The following GAB3 variants were observed in gnomAD, a reference collection of about 807,000 sequenced individuals.
The protein encoded by GAB3 is GRB2 associated binding protein 3, also known as GRB2-associated-binding protein 3.
In GAB3, 12 loss-of-function variants were observed where a neutral mutation model predicts 40.4. The observed-to-expected ratio is 0.30, with a 90% CI of 0.19 to 0.48. The LOEUF (loss-of-function observed/expected upper bound fraction) is 0.48, where lower values mean the gene tolerates loss of function less well. Ranked by LOEUF, GAB3 falls within the 20% of genes least tolerant of loss-of-function variation. GAB3 has a pLI of 0.99. For synonymous variants in GAB3, 154 were observed against 176.7 expected, an observed-to-expected ratio of 0.87 and a Z score of 1.02; for missense variants, 381 against 461.9, an observed-to-expected ratio of 0.82 and a Z score of 1.61.
chrX:154,710,502 G>T (rs192354430), intron 4 of GAB3, among the ~76,000 whole-genome samples: 1 of 111,666 alleles, frequency 9.0e-6, no homozygotes, highest in Non-Finnish European at 1.9e-5. Flanking sequence ...CACATACATG[G>T]GCACTTCATC....
At chrX:154,694,426 G>A (rs1345321420) in intron 8 of GAB3, among the ~76,000 whole-genome samples, 5 of 107,012 alleles carry the variant, frequency 4.7e-5, no homozygotes, top group Non-Finnish European at 9.6e-5. Flanking sequence ...TGGCTCTGTC[G>A]CCCAGGCTGG....
intron 6 of GAB3, 144 bp downstream of exon 6, chrX:154,699,150 A>C: frequency 1.2e-5 from 6 of 505,818 alleles, no homozygotes; most frequent in Non-Finnish European, 2.1e-5. Context: ...TTCCTATTCC[A>C]ACCCAGCCAC....
At position 154,699,445 on chromosome X, in the gene GAB3, G is replaced by C; in HGVS notation, c.1194C>G (p.Ser398Arg). The C allele has an allele frequency of 8.3e-7, 1 of 1,211,530 alleles. No individual in the cohort carries two copies. Among genetic ancestry groups the C allele is most frequent in the Non-Finnish European group, 1.1e-6 (1 of 895,187 alleles). ...CAAGACCAGAGGCACCAGCCTGGGG[G>C]CTCATGGGCACATAGCTGTCTTCGA... ...ASIEDSYVPM[S>R]PQAGASGLGP... Residue 398 changes from serine to arginine, a missense_variant, in exon 6 of 10, where the codon AGC becomes AGG. Physicochemically the swap from Ser to Arg is moderately radical, Grantham distance 110. Coordinates refer to ENST00000424127, the MANE Select transcript of GAB3 (RefSeq NM_001081573.3).
intron 2 of GAB3, among the ~76,000 whole-genome samples, chrX:154,715,818 T>C (rs2071037519): frequency 8.9e-6 from 1 of 112,513 alleles, no homozygotes; most frequent in Non-Finnish European, 1.9e-5. Flanking sequence ...CAATGCTCAG[T>C]GTGCTCATGG....
intron 8 of GAB3, among the ~76,000 whole-genome samples, chrX:154,680,884 T>C (rs1430811632): frequency 6.2e-5 from 7 of 112,588 alleles, no homozygotes; most frequent in Non-Finnish European, 1.1e-4. Context: ...ATTGTATGCA[T>C]TTTGGGCGGC....
At chrX:154,732,605 T>C (rs2071307028) in intron 1 of GAB3, among the ~76,000 whole-genome samples, 2 of 111,770 alleles carry the variant, frequency 1.8e-5, no homozygotes, top group Non-Finnish European at 3.8e-5. Flanking sequence ...TATGAATTCC[T>C]AAAAAGTAGA....
intron 1 of GAB3, among the ~76,000 whole-genome samples, chrX:154,718,153 A>G (rs896538337): frequency 9.0e-6 from 1 of 110,830 alleles, no homozygotes; most frequent in African/African-American, 3.3e-5. Context: ...GGCCAGGGAA[A>G]AAGGAAAAGA....
At chrX:154,719,607 G>A (rs1557258316) in intron 1 of GAB3, among the ~76,000 whole-genome samples, 1 of 112,443 alleles carries the variant, frequency 8.9e-6, no homozygotes, top group African/African-American at 3.2e-5. Flanking sequence ...TAAATAGGAC[G>A]TAGCATAGTC....
intron 1 of GAB3, among the ~76,000 whole-genome samples, chrX:154,746,052 CAAAA>C (rs201582710): frequency 1.9e-4 from 6 of 31,529 alleles, no homozygotes; most frequent in Admixed American, 1.5e-3. Flanking sequence ...AACTCCATCT[CAAAA>C]AAAAAAAAAA....
intron 2 of GAB3, among the ~76,000 whole-genome samples, chrX:154,715,428 CAGAG>C (rs202010747): frequency 0.028 from 2,814 of 102,284 alleles, 115 homozygotes; most frequent in Admixed American, 0.14. Flanking sequence ...GTGCGTGTGG[CAGAG>C]AGAGAGAGAG....
At position 154,751,072 on chromosome X, in the gene GAB3, C is replaced by T; in HGVS notation, c.-47G>A. The T allele has an allele frequency of 2.6e-6, 2 of 774,427 alleles. No homozygotes were observed. The highest frequency in any genetic ancestry group is 3.1e-6 in the Non-Finnish European group (2 of 651,935). 63.8% of individuals were successfully genotyped at this position (774,427 alleles called of 1,213,427 possible). A position where few individuals can be genotyped will look rare whatever the true frequency, so the allele number is the denominator to read the frequency against. On this transcript the variant is annotated 5_prime_UTR_variant, in exon 1 of 10. Coordinates refer to ENST00000424127, the MANE Select transcript of GAB3 (RefSeq NM_001081573.3). The stretch of plus-strand genomic sequence containing the variant: ...CTCCAGCTGGGCCAGCCGCCCGCGG[C>T]AGAAGGAAGTCGGGCCAAGGATGCC...
intron 1 of GAB3, among the ~76,000 whole-genome samples, chrX:154,721,168 C>T (rs782115547): frequency 2.0e-4 from 22 of 112,218 alleles, no homozygotes; most frequent in Admixed American, 3.8e-4. Context: ...AAGTCAATTG[C>T]GGAAAAAGAA....
At chrX:154,733,535 T>C (rs2071322912) in intron 1 of GAB3, among the ~76,000 whole-genome samples, 1 of 112,223 alleles carries the variant, frequency 8.9e-6, no homozygotes, top group Non-Finnish European at 1.9e-5. Flanking sequence ...AGATTATTTG[T>C]TGGAGAACCG....
At chrX:154,715,942 T>C in intron 2 of GAB3, 84 bp downstream of exon 2, 2 of 924,072 alleles carry the variant, frequency 2.2e-6, no homozygotes, top group East Asian at 3.1e-5. Context: ...GGAGGCAGGC[T>C]TGGCATCTTG....
At position 154,712,262 on chromosome X, in the gene GAB3, G is replaced by C; in HGVS notation, c.1036C>G (p.Leu346Val). ...GTTCTCATGTTGTCTAAACCAGAGA[G>C]GGAGATTCTTCTTGGAACCAGAGTG... Reference protein sequence around the residue: ...ECTLVPRRISLSGLDNMRTWK... With the variant: ...ECTLVPRRISVSGLDNMRTWK... Residue 346 changes from leucine to valine, a missense_variant, in exon 4 of 10, where the codon CTC becomes GTC. By Grantham distance (32) the Leu-to-Val change is conservative. Transcript: ENST00000424127. The C allele has an allele frequency of 8.3e-7, 1 of 1,205,063 alleles. No individual in the cohort carries two copies. The highest frequency in any genetic ancestry group is 2.2e-5 in the Admixed American group (1 of 45,611).
chrX:154,736,947 T>C (rs2071372499), intron 1 of GAB3, among the ~76,000 whole-genome samples: 1 of 112,365 alleles, frequency 8.9e-6, no homozygotes, highest in Non-Finnish European at 1.9e-5. Context: ...TTATCAGGCC[T>C]GGGTCTGATA....
intron 8 of GAB3, among the ~76,000 whole-genome samples, chrX:154,683,863 T>C (rs1458632221): frequency 9.0e-6 from 1 of 111,591 alleles, no homozygotes; most frequent in Non-Finnish European, 1.9e-5. Context: ...TTTTAGAGGG[T>C]GTTTGGGGAT....
chrX:154,727,697 G>A (rs1557259516), intron 1 of GAB3, among the ~76,000 whole-genome samples: 1 of 112,047 alleles, frequency 8.9e-6, no homozygotes, highest in East Asian at 2.8e-4. Context: ...ATGTAACAGT[G>A]AACCAGATAG....
chrX:154,706,597 T>C (rs1423390983), intron 4 of GAB3, among the ~76,000 whole-genome samples: 1 of 110,324 alleles, frequency 9.1e-6, no homozygotes, highest in Non-Finnish European at 1.9e-5. Flanking sequence ...ACCTTGAACA[T>C]CCAAAGCAAT....
Sources: allele counts gnomAD v4.1 joint callset (sites outside exome capture counted in the v4.1 genomes callset), GRCh38; gene constraint gnomAD v4.1.1; transcripts MANE v1.5; gene names NCBI Gene and HGNC (gene_info 2026-07-23, HGNC 2026-07-21).